Variants in KDM5A observed in about 807,000 individuals in gnomAD.
KDM5A encodes lysine demethylase 5A.
KDM5A carries 42 observed loss-of-function variants against 193.5 expected under a neutral mutation model. The ratio of observed to expected loss-of-function variants is 0.22; its 90% CI spans 0.17 to 0.28. The LOEUF (loss-of-function observed/expected upper bound fraction) is 0.28. Ranked by LOEUF, KDM5A falls within the 10% of genes least tolerant of loss-of-function variation. KDM5A has a pLI of 1.00. For missense variants in KDM5A, 1,692 were observed against 2,055.1 expected, an observed-to-expected ratio of 0.82 and a Z score of 3.42; for synonymous variants, 796 against 718.1, an observed-to-expected ratio of 1.11 and a Z score of -1.73.
chr12:364,088 A>C (rs1944322592), intron 4 of KDM5A, among the ~76,000 whole-genome samples: 1 of 152,260 alleles, frequency 6.6e-6, no homozygotes, highest in African/African-American at 2.4e-5. Flanking sequence ...CCAAGTGTTG[A>C]CCAGGATGTG....
intron 10 of KDM5A, among the ~76,000 whole-genome samples, chr12:346,659 C>A (rs201684214): frequency 1.3e-5 from 2 of 152,118 alleles, no homozygotes; most frequent in Non-Finnish European, 2.9e-5. Flanking sequence ...GAACCAATGA[C>A]AAAAACTACA....
chr12:302,531 TA>T (rs1261427246), intron 24 of KDM5A, among the ~76,000 whole-genome samples: 14 of 152,170 alleles, frequency 9.2e-5, no homozygotes, highest in Admixed American at 7.2e-4. Context: ...CAAGATGGAT[TA>T]AAGACTTAAA....
chr12:326,128 G>A (rs1000726028), intron 14 of KDM5A, among the ~76,000 whole-genome samples: 1 of 152,238 alleles, frequency 6.6e-6, no homozygotes, highest in African/African-American at 2.4e-5. Flanking sequence ...GAAGGGTGGA[G>A]AGGAAGGAGA....
At chr12:377,685 T>C (rs2137489106) in intron 3 of KDM5A, among the ~76,000 whole-genome samples, 1 of 152,318 alleles carries the variant, frequency 6.6e-6, no homozygotes, top group South Asian at 2.1e-4. Context: ...GTATATCCCA[T>C]TAACCATCTT....
chr12:285,538 G>A lies in KDM5A; in HGVS notation c.4991C>T (p.Pro1664Leu). ...ICINCAKKQG[P>L]VSPGPAPPPS... ...AGGTGGTGCTGGACCTGGGCTAACT[G>A]GCCCCTGCTTCTTTGCACAGTTTAT... Residue 1664 changes from proline to leucine, a missense_variant, in exon 28 of 28, where the codon CCA becomes CTA. Physicochemically the swap from Pro to Leu is moderately conservative, Grantham distance 98 (BLOSUM62 -3). Transcript: ENST00000399788. 6.2e-7 allele frequency: 1 copy of A among 1,614,010 alleles called. No homozygotes were observed. The highest frequency in any genetic ancestry group is 8.5e-7 in the Non-Finnish European group (1 of 1,179,934).
intron 3 of KDM5A, among the ~76,000 whole-genome samples, chr12:380,992 ATTTTAT>A (rs762149966): frequency 6.1e-5 from 5 of 82,306 alleles, no homozygotes; most frequent in African/African-American, 2.3e-4. Context: ...GATAGGTTTT[ATTTTAT>A]TTTTTTTTTT....
rs141220007 is a variant in KDM5A at position 306,594 on chromosome 12, T to C, written c.4074+352A>G. Among the ~76,000 whole-genome samples the C allele has an allele frequency of 2.9e-3, 445 of 151,920 alleles. 2 individuals are homozygous for C. Among genetic ancestry groups the C allele is most frequent in the African/African-American group, 0.01 (427 of 41,422 alleles). On this transcript the variant is annotated intron_variant, in intron 24 of 27. Transcript: ENST00000399788. ...CCCATCTCTACTAAAAACACAAAAA[T>C]TAGCCAGGCAGAGTGGCATGCACCT...
intron 24 of KDM5A, among the ~76,000 whole-genome samples, chr12:299,665 A>G (rs766357579): frequency 4.6e-4 from 70 of 152,186 alleles, no homozygotes; most frequent in Non-Finnish European, 3.1e-4. Flanking sequence ...ACCAGCTAAC[A>G]TCATAATGAC....
At chr12:380,620 G>A (rs1944561745) in intron 3 of KDM5A, among the ~76,000 whole-genome samples, 1 of 151,968 alleles carries the variant, frequency 6.6e-6, no homozygotes, top group Admixed American at 6.6e-5. Flanking sequence ...CTACTCAGAA[G>A]GCTGAGGCAT....
chr12:322,151 C>G (rs1943725037), intron 17 of KDM5A: 1 of 435,322 alleles, frequency 2.3e-6, no homozygotes. Context: ...GGGAAGAGAA[C>G]TCCAAGCAGA....
Position 307,486 on chromosome 12 carries a change from G to A in KDM5A, c.3898C>T (p.Leu1300Phe), listed in dbSNP as rs1045250073. Residue 1300 changes from leucine (L) to phenylalanine (F), a missense_variant, in exon 23 of 28, where the codon CTC (leucine) becomes TTC (phenylalanine). Leu to Phe is a conservative substitution (Grantham distance 22, BLOSUM62 0). Coordinates refer to ENST00000399788, the MANE Select transcript of KDM5A (RefSeq NM_001042603.3). The surrounding 1 kb of genome is among the most constrained non-coding windows in gnomAD (Gnocchi z 4.3). ...TCTGGATTGGCAGCTGCTTTTTGGA[G>A]TTCTGCACTGATGATCTTTTCAGTT... Reference protein sequence around the residue: ...EKTEKIISAELQKAAANPDLQ... With the variant: ...EKTEKIISAEFQKAAANPDLQ... 1.2e-6 allele frequency: 2 copies of A among 1,613,464 alleles called. No homozygotes were observed. The highest frequency in any genetic ancestry group is 1.7e-6 in the Non-Finnish European group (2 of 1,180,024).
At chr12:292,724 C>G (rs747448830) in intron 27 of KDM5A, 35 bp downstream of exon 27, 2 of 1,613,922 alleles carry the variant, frequency 1.2e-6, no homozygotes, top group African/African-American at 2.7e-5. Flanking sequence ...TGCTCCTTGA[C>G]CTCTCATGCT....
At chr12:383,477 A>G (rs1944600758) in intron 3 of KDM5A, among the ~76,000 whole-genome samples, 2 of 151,992 alleles carry the variant, frequency 1.3e-5, no homozygotes, top group African/African-American at 2.4e-5. Flanking sequence ...TCAACCTCCT[A>G]AAGTGCTGGG....
At chr12:340,716 A>AAAC (rs1555134130) in intron 10 of KDM5A, among the ~76,000 whole-genome samples, 15 of 150,676 alleles carry the variant, frequency 1.0e-4, no homozygotes, top group African/African-American at 2.7e-4. Context: ...AAAAAAAAAA[A>AAAC]AAACCATTAG....
intron 24 of KDM5A, among the ~76,000 whole-genome samples, chr12:306,386 T>G (rs1454698430): frequency 6.6e-6 from 1 of 152,228 alleles, no homozygotes; most frequent in Non-Finnish European, 1.5e-5. Flanking sequence ...TTCTAGTTCC[T>G]CTAAGCCATA....
intron 8 of KDM5A, among the ~76,000 whole-genome samples, chr12:352,890 A>G (rs1020336516): frequency 9.9e-5 from 15 of 152,226 alleles, no homozygotes; most frequent in Admixed American, 2.6e-4. Context: ...AGACCTTTGA[A>G]TGCATTTACA....
At chr12:323,461 CT>C in intron 15 of KDM5A, 138 bp downstream of exon 15, 1 of 957,194 alleles carries the variant, frequency 1.0e-6, no homozygotes, top group Non-Finnish European at 1.6e-6. Flanking sequence ...CTTTAAGGGA[CT>C]GGTCTTCAAG....
At chr12:336,397 C>T (rs1264251594) in intron 10 of KDM5A, among the ~76,000 whole-genome samples, 1 of 144,244 alleles carries the variant, frequency 6.9e-6, no homozygotes, top group South Asian at 2.2e-4. Context: ...GATGGAATAA[C>T]AAAGTCCAAC....
At chr12:291,403 G>A (rs1943292399) in intron 27 of KDM5A, among the ~76,000 whole-genome samples, 1 of 152,174 alleles carries the variant, frequency 6.6e-6, no homozygotes, top group South Asian at 2.1e-4. Context: ...TAAGGTGTTA[G>A]TGGAGAGAAC....
Sources: gnomAD v4.1 joint callset for allele counts (sites outside exome capture counted in the v4.1 genomes callset) on GRCh38, gnomAD v4.1.1 for gene constraint, Gnocchi (gnomAD v3.1) non-coding constraint, MANE v1.5 for transcripts, NCBI Gene and HGNC (gene_info 2026-07-23, HGNC 2026-07-21) for gene names.